Variants in FHOD3 observed in about 807,000 individuals in gnomAD.
FHOD3 encodes formin homology 2 domain containing 3, also known as FH1/FH2 domain-containing protein 3.
A neutral mutation model predicts 173.0 loss-of-function variants in FHOD3; 90 were observed. The observed-to-expected ratio is 0.52, with a 90% CI of 0.44 to 0.62. The LOEUF (loss-of-function observed/expected upper bound fraction) is 0.62. Ranked by LOEUF, FHOD3 falls within the 20% of genes least tolerant of loss-of-function variation. The pLI is 0.00. For missense variants in FHOD3, 1,945 were observed against 2,034.7 expected (o/e 0.96, Z 0.85); for synonymous variants, 828 against 823.0 (o/e 1.01, Z -0.10).
At chr18:36,299,434 C>T (rs7239113) in intron 1 of FHOD3, among the ~76,000 whole-genome samples, 15,031 of 152,254 alleles carry the variant, frequency 0.099, 791 homozygotes, top group Admixed American at 0.16. Flanking sequence ...AGAGCTTCTT[C>T]TACATCATGA....
At chr18:36,447,533 T>C (rs1446659632) in intron 3 of FHOD3, among the ~76,000 whole-genome samples, 1 of 152,274 alleles carries the variant, frequency 6.6e-6, no homozygotes, top group African/African-American at 2.4e-5. Context: ...AAGGCTGGTG[T>C]TGACTGTACC....
intron 3 of FHOD3, among the ~76,000 whole-genome samples, chr18:36,483,365 A>G (rs2054030178): frequency 6.6e-6 from 1 of 152,122 alleles, no homozygotes; most frequent in Non-Finnish European, 1.5e-5. Flanking sequence ...CAGATGCTCC[A>G]CTCAGCACAG....
chr18:36,476,697 C>G (rs2053593554), intron 3 of FHOD3, among the ~76,000 whole-genome samples: 1 of 152,212 alleles, frequency 6.6e-6, no homozygotes, highest in African/African-American at 2.4e-5. Flanking sequence ...AATTAGGAAT[C>G]TGGAAGCAAA....
intron 5 of FHOD3, among the ~76,000 whole-genome samples, chr18:36,572,719 C>A (rs1448854422): frequency 1.0e-5 from 1 of 99,304 alleles, no homozygotes; most frequent in African/African-American, 3.5e-5. Context: ...GTACCAGAGG[C>A]CCTGAGCTCT....
At chr18:36,624,446 G>T (rs111357618) in intron 9 of FHOD3, among the ~76,000 whole-genome samples, 4 of 152,262 alleles carry the variant, frequency 2.6e-5, no homozygotes, top group Admixed American at 2.0e-4. Context: ...GAATGTAGGC[G>T]TAGGCATAAC....
chr18:36,629,507 T>C (rs2034354035), intron 10 of FHOD3, among the ~76,000 whole-genome samples: 1 of 152,236 alleles, frequency 6.6e-6, no homozygotes, highest in South Asian at 2.1e-4. Context: ...GGTCTGGGTT[T>C]CTTGAGGGAG....
chr18:36,572,104 C>T (rs12966492), intron 5 of FHOD3, among the ~76,000 whole-genome samples: 86,169 of 151,984 alleles, frequency 0.57, 24,426 homozygotes, highest in African/African-American at 0.59. Flanking sequence ...ATGGTATAGC[C>T]GTGTCATTTT....
intron 3 of FHOD3, among the ~76,000 whole-genome samples, chr18:36,452,342 G>A (rs2144360342): frequency 6.6e-6 from 1 of 152,230 alleles, no homozygotes; most frequent in South Asian, 2.1e-4. Context: ...TTTGTTGTCA[G>A]TGTGAGTCAA....
At position 36,456,201 on chromosome 18, in the gene FHOD3, C is replaced by T. The variant is rs548175469; in HGVS notation, c.338-45731C>T. Among the ~76,000 whole-genome samples, 301 of 152,194 alleles carry T rather than the reference C, an allele frequency of 2.0e-3. 7 individuals are homozygous for T. The highest frequency in any genetic ancestry group is 6.8e-3 in the African/African-American group (282 of 41,478). ...GGTGCAATTATAATTAACCATGGGC[C>T]TCAAACAAATCCTTTAGCTATGCAT... On this transcript the variant is annotated intron_variant, in intron 3 of 28. Coordinates refer to ENST00000590592, the MANE Select transcript of FHOD3 (RefSeq NM_001281740.3).
At chr18:36,719,769 C>T (rs1568668468) in intron 19 of FHOD3, among the ~76,000 whole-genome samples, 1 of 152,182 alleles carries the variant, frequency 6.6e-6, no homozygotes, top group South Asian at 2.1e-4. Flanking sequence ...ATGCAGGATC[C>T]TCAGAACAAG....
At chr18:36,655,490 A>T (rs138987006) in intron 13 of FHOD3, among the ~76,000 whole-genome samples, 1 of 151,406 alleles carries the variant, frequency 6.6e-6, no homozygotes, top group Admixed American at 6.6e-5. Context: ...GTTGTGGGGG[A>T]AAAAAAAAGC....
At chr18:36,352,813 T>C (rs1568160271) in intron 1 of FHOD3, among the ~76,000 whole-genome samples, 1 of 152,246 alleles carries the variant, frequency 6.6e-6, no homozygotes, top group Non-Finnish European at 1.5e-5. Context: ...GTGTTGATAC[T>C]ATCAGCTGAA....
intron 1 of FHOD3, among the ~76,000 whole-genome samples, chr18:36,311,171 G>A (rs1174420079): frequency 6.6e-6 from 1 of 151,538 alleles, no homozygotes; most frequent in African/African-American, 2.4e-5. Flanking sequence ...AGCATGGGAG[G>A]AGGAAGGGAG....
chr18:36,647,515 C>A lies in FHOD3; in HGVS notation c.1197-1801C>A, dbSNP rs888166004. Among the ~76,000 whole-genome samples the A allele has an allele frequency of 5.0e-5, 7 of 140,370 alleles. No homozygotes were observed. In the South Asian group the frequency reaches 1.8e-3, roughly 37 times the overall value. The allele number at this position is 140,370 out of a possible 152,430, so 92.1% of individuals were successfully genotyped here. ...TCTACTACTTATGGGGATGGTAATT[C>A]ATCCCATCATTTTTTTAAATGGCAG... is the stretch of plus-strand genomic sequence containing the variant. On this transcript the variant is annotated intron_variant, in intron 10 of 28. Transcript: ENST00000590592.
chr18:36,763,813 C>T (rs2043026049), intron 27 of FHOD3, among the ~76,000 whole-genome samples: 1 of 152,036 alleles, frequency 6.6e-6, no homozygotes, highest in Non-Finnish European at 1.5e-5. Context: ...GTGGAAAAAT[C>T]ATATCTTTTA....
intron 27 of FHOD3, among the ~76,000 whole-genome samples, chr18:36,762,170 G>A (rs534594123): frequency 1.3e-5 from 2 of 152,214 alleles, no homozygotes; most frequent in African/African-American, 4.8e-5. Flanking sequence ...CAAAAATAAC[G>A]GTAGTAATGA....
At chr18:36,406,635 T>G (rs2146789883) in intron 3 of FHOD3, among the ~76,000 whole-genome samples, 1 of 152,336 alleles carries the variant, frequency 6.6e-6, no homozygotes, top group South Asian at 2.1e-4. Flanking sequence ...ATGAATTTGA[T>G]CTGAGATGAG....
chr18:36,653,198 G>A, intron 12 of FHOD3, 144 bp from the exon 13 acceptor site: 1 of 719,942 alleles, frequency 1.4e-6, no homozygotes, highest in Non-Finnish European at 2.3e-6. Context: ...TAAATGTAAG[G>A]TTTACATGTG....
chr18:36,490,652 C>G (rs575961707), intron 3 of FHOD3, among the ~76,000 whole-genome samples: 3 of 152,152 alleles, frequency 2.0e-5, no homozygotes, highest in Non-Finnish European at 4.4e-5. Context: ...GGTTTCAGCT[C>G]CTGCAATACT....
Sources: gnomAD v4.1 joint callset for allele counts (sites outside exome capture counted in the v4.1 genomes callset) on GRCh38, gnomAD v4.1.1 for gene constraint, MANE v1.5 for transcripts, NCBI Gene and HGNC (gene_info 2026-07-23, HGNC 2026-07-21) for gene names.